Variants in SLC38A6 observed in about 807,000 individuals in gnomAD.
SLC38A6 encodes the protein solute carrier family 38 member 6.
A neutral mutation model predicts 65.0 loss-of-function variants in SLC38A6; 73 were observed. The observed-to-expected ratio is 1.12, with a 90% CI of 0.93 to 1.37. The LOEUF is 1.37. Ranked by LOEUF, SLC38A6 falls within the 40% of genes most tolerant of loss-of-function variation. SLC38A6 has a pLI of 0.00. For synonymous variants in SLC38A6, 183 were observed against 178.8 expected (o/e 1.02, Z -0.19); for missense variants, 561 against 531.1 (o/e 1.06, Z -0.55).
chr14:60,993,047 A>G (rs1176332568), intron 3 of SLC38A6, among the ~76,000 whole-genome samples: 1 of 151,988 alleles, frequency 6.6e-6, no homozygotes, highest in Non-Finnish European at 1.5e-5. Flanking sequence ...GGGGTTTTAC[A>G]GCGTTGGCCA....
intron 3 of SLC38A6, among the ~76,000 whole-genome samples, chr14:60,986,093 G>C (rs2037429430): frequency 6.6e-6 from 1 of 152,246 alleles, no homozygotes; most frequent in Non-Finnish European, 1.5e-5. Flanking sequence ...GGAGGGGTCT[G>C]ACAAACCAAA....
chr14:61,019,333 A>G (rs1357856558), intron 4 of SLC38A6, among the ~76,000 whole-genome samples: 3 of 152,200 alleles, frequency 2.0e-5, no homozygotes, highest in Non-Finnish European at 2.9e-5. Context: ...AAACTTCTTT[A>G]TAGTAACTTT....
rs113637984 is a variant in SLC38A6, at chr14:61,082,874, T to C, written c.1409-681T>C. On this transcript the variant is annotated intron_variant, in intron 16 of 16. Coordinates refer to the SLC38A6 transcript ENST00000354886. ...ACTCCTGACCCTAGCCTTAGGGAAG[T>C]CATCTCTAAAGGCTGTTTTATTACA... Among the ~76,000 whole-genome samples, 323 of 152,260 alleles carry C rather than the reference T, an allele frequency of 2.1e-3. 2 individuals are homozygous for C. Among genetic ancestry groups the C allele is most frequent in the Middle Eastern group, 0.01 (3 of 294 alleles).
chr14:61,012,492 A>G (rs572116591), intron 3 of SLC38A6, among the ~76,000 whole-genome samples: 3 of 151,906 alleles, frequency 2.0e-5, no homozygotes, highest in Non-Finnish European at 2.9e-5. Flanking sequence ...TCAATTTTAG[A>G]TCTTTCCTGC....
intron 3 of SLC38A6, among the ~76,000 whole-genome samples, chr14:60,993,770 G>T (rs768126039): frequency 2.6e-5 from 4 of 152,162 alleles, no homozygotes; most frequent in Non-Finnish European, 5.9e-5. Flanking sequence ...GTCTTTTAAT[G>T]CATCACACTT....
chr14:61,019,540 G>C lies in SLC38A6; in HGVS notation c.364-1G>C, dbSNP rs779076887. 2.5e-6 allele frequency: 4 copies of C among 1,613,208 alleles called. No homozygotes were observed. Among genetic ancestry groups the C allele is most frequent in the Non-Finnish European group, 3.4e-6 (4 of 1,179,436 alleles). ...TTCTGAATATTTCTGTTCTTTTACA[G>C]TTGGTGGTGGCAGGCACCATAATAA... On this transcript the variant is annotated splice_acceptor_variant, in intron 4 of 15. Transcript: ENST00000267488. LOFTEE classifies it high-confidence loss of function.
intron 1 of SLC38A6, chr14:60,982,256 C>G (rs1165334681): frequency 1.1e-5 from 6 of 533,308 alleles, no homozygotes; most frequent in Non-Finnish European, 2.2e-5. Context: ...TAGTCATGGC[C>G]CTTCCTGAAC....
intron 6 of SLC38A6, among the ~76,000 whole-genome samples, chr14:61,035,880 T>A (rs1223819744): frequency 6.6e-6 from 1 of 152,204 alleles, no homozygotes; most frequent in Non-Finnish European, 1.5e-5. Context: ...CACATAAAAA[T>A]ATCTACTTTT....
intron 2 of SLC38A6, among the ~76,000 whole-genome samples, chr14:60,983,622 T>A (rs1301871070): frequency 6.6e-6 from 1 of 152,026 alleles, no homozygotes; most frequent in African/African-American, 2.4e-5. Context: ...GCCTAGGGAG[T>A]CTCTTTTATG....
At chr14:61,035,882 T>C (rs1053272616) in intron 6 of SLC38A6, among the ~76,000 whole-genome samples, 6 of 152,198 alleles carry the variant, frequency 3.9e-5, no homozygotes, top group African/African-American at 1.4e-4. Context: ...CATAAAAATA[T>C]CTACTTTTTG....
intron 4 of SLC38A6, among the ~76,000 whole-genome samples, chr14:61,016,731 A>G (rs1405526372): frequency 2.6e-5 from 4 of 152,190 alleles, no homozygotes; most frequent in African/African-American, 7.2e-5. Context: ...GGCTCCAAAC[A>G]GGAATTCTTT....
intron 15 of SLC38A6, among the ~76,000 whole-genome samples, chr14:61,078,617 C>G (rs2043514708): frequency 6.6e-6 from 1 of 152,018 alleles, no homozygotes; most frequent in South Asian, 2.1e-4. Context: ...GGCTAGTTAT[C>G]TAAAAACCAC....
rs920052895 is a variant in SLC38A6 at position 61,052,049 on chromosome 14, A to G, written c.1204A>G (p.Thr402Ala). Residue 402 changes from threonine to alanine, a missense_variant, in exon 15 of 16, where the codon ACA becomes GCA. Thr to Ala is a moderately conservative substitution (Grantham distance 58). Coordinates refer to ENST00000267488, the MANE Select transcript of SLC38A6 (RefSeq NM_153811.3). ...RNVFGVVGAS[T>A]STCLIFIFPG... is the part of the protein sequence containing the mutation. The stretch of plus-strand genomic sequence containing the variant: ...TTCCCTCCACTTTAAAGGTGCCAGT[A>G]CATCAACATGTTTGATTTTTATATT... 6.3e-7 allele frequency: 1 copy of G among 1,597,252 alleles called. No homozygotes were observed.
chr14:61,060,714 C>T (rs1368849285), intron 15 of SLC38A6, among the ~76,000 whole-genome samples: 3 of 16,320 alleles, frequency 1.8e-4, no homozygotes, highest in Middle Eastern at 0.012. Context: ...GGCGCCCCTC[C>T]CCCAGCCTCG....
At chr14:61,047,081 A>G (rs2042195473) in intron 12 of SLC38A6, among the ~76,000 whole-genome samples, 2 of 152,256 alleles carry the variant, frequency 1.3e-5, no homozygotes, top group African/African-American at 4.8e-5. Context: ...GTATAGTGGA[A>G]TAGCTATATA....
At chr14:61,005,368 A>G (rs527807399) in intron 3 of SLC38A6, among the ~76,000 whole-genome samples, 3 of 69,100 alleles carry the variant, frequency 4.3e-5, no homozygotes, top group African/African-American at 9.1e-5. Context: ...AGGATATTCA[A>G]TTAGGAAAAG....
In SLC38A6 at chr14:61,045,243, G is replaced by A; in HGVS notation, c.745-103G>A. The A allele has an allele frequency of 5.5e-6, 4 of 724,256 alleles. 1 individual carries two copies. The East Asian group carries it at 8.2e-5, about 15-fold the overall frequency. The allele number at this position is 724,256 out of a possible 1,614,324, so 44.9% of individuals were successfully genotyped here. A position where few individuals can be genotyped will look rare whatever the true frequency, so the allele number is the denominator to read the frequency against. ...AAGACTCATTAAAGATGAAATAAATGTAATCAAATTGATTTTTTAAAGAAC... is the reference window on the plus strand; with the variant it reads ...AAGACTCATTAAAGATGAAATAAATATAATCAAATTGATTTTTTAAAGAAC... On this transcript the variant is annotated intron_variant, in intron 10 of 15. Coordinates refer to ENST00000267488, the MANE Select transcript of SLC38A6 (RefSeq NM_153811.3).
At position 61,052,139 on chromosome 14, in the gene SLC38A6, G is replaced by A; in HGVS notation, c.1290+4G>A. On this transcript the variant is annotated splice_donor_region_variant and intron_variant, in intron 15 of 15. Coordinates refer to ENST00000267488, the MANE Select transcript of SLC38A6 (RefSeq NM_153811.3). ...TCTGTCATGGAAAAAGCTTGGGGTAGGTTGTTTTTGTTTCTTTCTTTCAAG... is the reference window on the plus strand; with the variant it reads ...TCTGTCATGGAAAAAGCTTGGGGTAAGTTGTTTTTGTTTCTTTCTTTCAAG... 1 of 1,542,364 alleles carries A rather than the reference G, an allele frequency of 6.5e-7. No individual in the cohort carries two copies. Among genetic ancestry groups the A allele is most frequent in the Non-Finnish European group, 8.7e-7 (1 of 1,155,172 alleles).
chr14:61,039,715 A>T (rs554528832), intron 8 of SLC38A6, among the ~76,000 whole-genome samples: 6 of 152,058 alleles, frequency 3.9e-5, no homozygotes, highest in Admixed American at 3.9e-4. Flanking sequence ...TTTAAAATAC[A>T]TAGTGGTTAG....
Sources: gnomAD v4.1 joint callset for allele counts (sites outside exome capture counted in the v4.1 genomes callset) on GRCh38, gnomAD v4.1.1 for gene constraint, MANE v1.5 for transcripts, NCBI Gene and HGNC (gene_info 2026-07-23, HGNC 2026-07-21) for gene names.